The following SSBP3 variants were observed in gnomAD, a reference collection of about 807,000 sequenced individuals.
The protein encoded by SSBP3 is single stranded DNA binding protein 3.
Under a neutral mutation model 69.6 loss-of-function variants are expected in SSBP3, and 5 were observed. The observed-to-expected ratio is 0.07, with a 90% CI of 0.04 to 0.15. The LOEUF (loss-of-function observed/expected upper bound fraction) is 0.15, where lower values mean the gene tolerates loss of function less well. SSBP3 is among the 10% of genes least tolerant of loss of function. SSBP3 has a pLI of 1.00. For synonymous variants in SSBP3, 196 were observed against 193.4 expected (o/e 1.01, Z -0.11); for missense variants, 312 against 534.0 (o/e 0.58, Z 4.10).
At chr1:54,242,933 GA>G (rs1239453256) in intron 10 of SSBP3, 1 of 304,940 alleles carries the variant, frequency 3.3e-6, no homozygotes, top group African/African-American at 2.1e-5. Flanking sequence ...CTGGACAACA[GA>G]ATGTGACTCT....
intron 4 of SSBP3, among the ~76,000 whole-genome samples, chr1:54,386,236 CAGA>C (rs1648071433): frequency 6.6e-6 from 1 of 152,224 alleles, no homozygotes; most frequent in African/African-American, 2.4e-5. Context: ...TCGCTCCCCA[CAGA>C]AGGAGGGGTT....
At chr1:54,361,135 TAG>T (rs1646946122) in intron 4 of SSBP3, among the ~76,000 whole-genome samples, 1 of 152,080 alleles carries the variant, frequency 6.6e-6, no homozygotes, top group South Asian at 2.1e-4. Flanking sequence ...GCAGTTTGCA[TAG>T]AGAGTGAGCC....
intron 4 of SSBP3, among the ~76,000 whole-genome samples, chr1:54,355,896 C>T (rs537577728): frequency 1.5e-3 from 236 of 152,288 alleles, no homozygotes; most frequent in Middle Eastern, 3.4e-3. Flanking sequence ...CCCTCTCCTC[C>T]GCCCACCCTG....
chr1:54,238,195 C>A, intron 14 of SSBP3: 1 of 471,078 alleles, frequency 2.1e-6, no homozygotes, highest in South Asian at 1.5e-5. Flanking sequence ...ACAGGGCAGC[C>A]CGCGCTCGGG....
At chr1:54,345,225 C>A (rs772065522) in intron 4 of SSBP3, among the ~76,000 whole-genome samples, 1 of 152,212 alleles carries the variant, frequency 6.6e-6, no homozygotes, top group Non-Finnish European at 1.5e-5. Context: ...AACTAACTTA[C>A]ACTTGGCTTC....
intron 5 of SSBP3, among the ~76,000 whole-genome samples, chr1:54,263,981 C>A (rs574003455): frequency 6.6e-6 from 1 of 151,876 alleles, no homozygotes; most frequent in African/African-American, 2.4e-5. Flanking sequence ...AAACCAAAAC[C>A]AAAACCAAAA....
chr1:54,293,035 C>T (rs898845261), intron 4 of SSBP3, among the ~76,000 whole-genome samples: 10 of 152,050 alleles, frequency 6.6e-5, no homozygotes, highest in Admixed American at 3.9e-4. Context: ...AGGTACCCAC[C>T]AAGAACCAAC....
chr1:54,347,588 G>A (rs1194607625), intron 4 of SSBP3, among the ~76,000 whole-genome samples: 2 of 152,270 alleles, frequency 1.3e-5, no homozygotes, highest in East Asian at 3.9e-4. Flanking sequence ...GTGGAAGGCC[G>A]ATTCTACATC....
chr1:54,292,449 G>A (rs1405239372), intron 4 of SSBP3, among the ~76,000 whole-genome samples: 1 of 152,172 alleles, frequency 6.6e-6, no homozygotes, highest in Non-Finnish European at 1.5e-5. Context: ...GAAGGGATGA[G>A]AGTCCAGGCC....
At chr1:54,229,195 C>T (rs964539518) in intron 14 of SSBP3, among the ~76,000 whole-genome samples, 1 of 152,240 alleles carries the variant, frequency 6.6e-6, no homozygotes, top group Non-Finnish European at 1.5e-5. Flanking sequence ...AGCTCTCCGA[C>T]CATGTCAGGC....
rs1270734058 is a variant in SSBP3 at position 54,362,851 on chromosome 1, C to T, written c.276+39010G>A. ...GGGCTGTTGTTGTTGTTTTACCCCT[C>T]GTTTTCTCTCCCAGATAACGGCGAG... On this transcript the variant is annotated intron_variant, in intron 4 of 17. Coordinates refer to ENST00000610401, the Ensembl canonical transcript of SSBP3. Among the ~76,000 whole-genome samples, 4 of 152,270 alleles carry T rather than the reference C, an allele frequency of 2.6e-5. No individual in the cohort carries two copies. In the East Asian group the frequency reaches 5.8e-4, roughly 22 times the overall value.
intron 4 of SSBP3, among the ~76,000 whole-genome samples, chr1:54,354,594 C>T (rs1376277677): frequency 1.3e-5 from 2 of 152,130 alleles, no homozygotes; most frequent in African/African-American, 2.4e-5. Flanking sequence ...ACACACAGAC[C>T]TCTCCCCCAG....
At chr1:54,260,456 A>G (rs976838190) in intron 5 of SSBP3, among the ~76,000 whole-genome samples, 14 of 152,210 alleles carry the variant, frequency 9.2e-5, no homozygotes, top group Non-Finnish European at 1.9e-4. Flanking sequence ...GAAGTGAAGC[A>G]CCCAAGGGCG....
At chr1:54,308,970 T>C (rs1401828660) in intron 4 of SSBP3, among the ~76,000 whole-genome samples, 2 of 151,850 alleles carry the variant, frequency 1.3e-5, no homozygotes, top group African/African-American at 4.8e-5. Flanking sequence ...TTTAGAATAA[T>C]CAGGGACAAG....
chr1:54,273,685 C>A (rs1645234705), intron 5 of SSBP3, among the ~76,000 whole-genome samples: 1 of 152,198 alleles, frequency 6.6e-6, no homozygotes, highest in African/African-American at 2.4e-5. Flanking sequence ...TGGCCAGCAC[C>A]CCCCACTGGA....
At chr1:54,302,059 G>A (rs1372719775) in intron 4 of SSBP3, among the ~76,000 whole-genome samples, 3 of 152,206 alleles carry the variant, frequency 2.0e-5, no homozygotes, top group Admixed American at 6.5e-5. Context: ...GGGGGTGGGG[G>A]GGTACCCCCA....
At chr1:54,401,764 A>G in intron 4 of SSBP3, 97 bp downstream of exon 4, 1 of 991,974 alleles carries the variant, frequency 1.0e-6, no homozygotes, top group Non-Finnish European at 1.5e-6. Flanking sequence ...AAGCAAATAA[A>G]GACCACTGCG....
intron 9 of SSBP3, among the ~76,000 whole-genome samples, chr1:54,249,863 T>C (rs1263113097): frequency 6.6e-6 from 1 of 151,816 alleles, no homozygotes; most frequent in Non-Finnish European, 1.5e-5. Flanking sequence ...TTATTCCCAT[T>C]TTACAGATGC....
chr1:54,384,136 G>T (rs1347426901), intron 4 of SSBP3, among the ~76,000 whole-genome samples: 1 of 148,502 alleles, frequency 6.7e-6, no homozygotes, highest in African/African-American at 2.5e-5. Context: ...GCAAGAACTG[G>T]GCAGGAGAAC....
Sources: gnomAD v4.1 joint callset for allele counts (sites outside exome capture counted in the v4.1 genomes callset) on GRCh38, gnomAD v4.1.1 for gene constraint, MANE v1.5 for transcripts, NCBI Gene and HGNC (gene_info 2026-07-23, HGNC 2026-07-21) for gene names.